TAF4B: variants seen among roughly 807,000 people sequenced by gnomAD.
TAF4B encodes the protein TATA-box binding protein associated factor 4b.
In TAF4B, 38 loss-of-function variants were observed where a neutral mutation model predicts 86.4. The ratio of observed to expected loss-of-function variants is 0.44; its 90% CI spans 0.34 to 0.58. TAF4B has a LOEUF of 0.58. Among genes scored for constraint, TAF4B ranks in the 20% least tolerant of loss-of-function variants. The pLI is 0.02. For missense variants in TAF4B, 988 were observed against 1,027.6 expected (o/e 0.96, Z 0.53); for synonymous variants, 388 against 391.2 (o/e 0.99, Z 0.10).
intron 9 of TAF4B, among the ~76,000 whole-genome samples, chr18:26,309,414 T>C (rs1181180372): frequency 6.6e-6 from 1 of 152,032 alleles, no homozygotes; most frequent in Non-Finnish European, 1.5e-5. Flanking sequence ...TTTTGGATTA[T>C]GTATTAGAAT....
intron 7 of TAF4B, among the ~76,000 whole-genome samples, chr18:26,289,418 A>G (rs925784357): frequency 4.6e-5 from 7 of 152,280 alleles, no homozygotes; most frequent in Middle Eastern, 3.4e-3. Context: ...TTTAATAATC[A>G]TGGATTTAAA....
chr18:26,275,538 GA>G (rs1438753547), intron 5 of TAF4B, among the ~76,000 whole-genome samples: 1 of 152,064 alleles, frequency 6.6e-6, no homozygotes, highest in African/African-American at 2.4e-5. Context: ...ATCTTGGCTA[GA>G]AAAACCTATT....
chr18:26,339,326 T>A (rs1443131290), intron 13 of TAF4B, among the ~76,000 whole-genome samples: 1 of 152,146 alleles, frequency 6.6e-6, no homozygotes, highest in African/African-American at 2.4e-5. Flanking sequence ...TTTAGTTGGT[T>A]TTTTTTGTTT....
Position 26,293,421 on chromosome 18 carries a change from T to C in TAF4B, c.1727-5T>C, listed in dbSNP as rs1003677644. On this transcript the variant is annotated splice_polypyrimidine_tract_variant and splice_region_variant and intron_variant, in intron 8 of 14. Transcript: ENST00000269142. ...ATTCTATTTTTTCTTGTTTTGTTTT[T>C]ATAGCTTCCATTCTAAAGCAAATTA... The C allele has an allele frequency of 4.4e-6, 7 of 1,584,548 alleles. No homozygotes were observed. The highest frequency in any genetic ancestry group is 1.4e-5 in the African/African-American group (1 of 73,448).
At chr18:26,368,117 A>G (rs982819690) in intron 14 of TAF4B, among the ~76,000 whole-genome samples, 1 of 152,248 alleles carries the variant, frequency 6.6e-6, no homozygotes, top group Non-Finnish European at 1.5e-5. Context: ...CTTAGATTAT[A>G]AAACATTTAT....
chr18:26,286,524 C>T (rs2056525799), intron 7 of TAF4B, 25 bp downstream of exon 7: 2 of 1,559,618 alleles, frequency 1.3e-6, no homozygotes. Flanking sequence ...GTTTCTTCCC[C>T]AGTTACTTAT....
intron 5 of TAF4B, among the ~76,000 whole-genome samples, chr18:26,279,858 A>G (rs114481669): frequency 0.019 from 2,957 of 152,250 alleles, 84 homozygotes; most frequent in African/African-American, 0.068. Flanking sequence ...TATGGTCAAC[A>G]TGGCGAAACC....
At chr18:26,235,336 G>A (rs1289165730) in intron 1 of TAF4B, among the ~76,000 whole-genome samples, 1 of 152,138 alleles carries the variant, frequency 6.6e-6, no homozygotes, top group African/African-American at 2.4e-5. Flanking sequence ...TAATGTCATA[G>A]GGCAAGGATA....
At chr18:26,386,130 G>A (rs182116474) in intron 14 of TAF4B, among the ~76,000 whole-genome samples, 2 of 152,198 alleles carry the variant, frequency 1.3e-5, no homozygotes, top group Non-Finnish European at 2.9e-5. Flanking sequence ...AATGTCCCTT[G>A]GGGTTTTTTT....
chr18:26,333,261 C>T (rs2057065722), intron 12 of TAF4B, among the ~76,000 whole-genome samples: 1 of 150,970 alleles, frequency 6.6e-6, no homozygotes, highest in South Asian at 2.1e-4. Flanking sequence ...TGCTGTGTTG[C>T]CCAGGCTGGA....
intron 1 of TAF4B, among the ~76,000 whole-genome samples, chr18:26,259,422 A>C (rs993723464): frequency 2.6e-5 from 4 of 151,518 alleles, no homozygotes; most frequent in African/African-American, 9.7e-5. Flanking sequence ...CTCCTAATGC[A>C]TCCCTCCCCC....
At position 26,321,209 on chromosome 18, in the gene TAF4B, A is replaced by T; in HGVS notation, c.2133+9A>T. ...GAATGACTACTTACAAGGTAAAGGA[A>T]ATCATTAAAGAAGTATAAACTCTCG... On this transcript the variant is annotated intron_variant, in intron 11 of 14. Transcript: ENST00000269142. The T allele has an allele frequency of 6.2e-7, 1 of 1,613,426 alleles. No individual in the cohort carries two copies. The highest frequency in any genetic ancestry group is 8.5e-7 in the Non-Finnish European group (1 of 1,179,600).
chr18:26,307,402 T>C (rs751527270), intron 9 of TAF4B, among the ~76,000 whole-genome samples: 17 of 152,120 alleles, frequency 1.1e-4, no homozygotes, highest in South Asian at 2.1e-4. Flanking sequence ...TCATGTTCTT[T>C]CCATCATACT....
chr18:26,295,113 T>A (rs540340953), intron 9 of TAF4B: 11 of 201,540 alleles, frequency 5.5e-5, no homozygotes, highest in South Asian at 5.4e-4. Flanking sequence ...ACTGCATAAT[T>A]TATATATATA....
At chr18:26,279,669 C>T (rs1273471486) in intron 5 of TAF4B, among the ~76,000 whole-genome samples, 1 of 151,928 alleles carries the variant, frequency 6.6e-6, no homozygotes, top group African/African-American at 2.4e-5. Context: ...ACACATAGAC[C>T]AATTGAACAG....
intron 6 of TAF4B, among the ~76,000 whole-genome samples, chr18:26,285,216 T>TTTTTTTG (rs2056498168): frequency 5.0e-5 from 5 of 100,316 alleles, no homozygotes; most frequent in African/African-American, 1.7e-4. Flanking sequence ...TTTCCTTTTT[T>TTTTTTTG]TTTTTGTTTT....
intron 14 of TAF4B, among the ~76,000 whole-genome samples, chr18:26,376,628 G>T (rs531718192): frequency 6.6e-6 from 1 of 151,918 alleles, no homozygotes; most frequent in African/African-American, 2.4e-5. Flanking sequence ...TCTGCAAATA[G>T]TGGTAGTTGT....
intron 1 of TAF4B, among the ~76,000 whole-genome samples, chr18:26,230,038 C>T (rs1022242491): frequency 3.3e-5 from 5 of 151,708 alleles, no homozygotes; most frequent in Non-Finnish European, 4.4e-5. Flanking sequence ...GGAGCAGGAG[C>T]TTGAAATAAA....
intron 14 of TAF4B, among the ~76,000 whole-genome samples, chr18:26,366,089 C>G (rs2057369666): frequency 6.6e-6 from 1 of 152,066 alleles, no homozygotes; most frequent in African/African-American, 2.4e-5. Context: ...TGCGCCCGGC[C>G]TATTATTTTA....
Sources: allele counts gnomAD v4.1 joint callset (sites outside exome capture counted in the v4.1 genomes callset), GRCh38; gene constraint gnomAD v4.1.1; transcripts MANE v1.5; gene names NCBI Gene and HGNC (gene_info 2026-07-23, HGNC 2026-07-21).